Variants in MME observed in about 807,000 individuals in gnomAD.
The protein encoded by MME is neprilysin.
MME carries 98 observed loss-of-function variants against 113.2 expected under a neutral mutation model. The ratio of observed to expected loss-of-function variants is 0.87; its 90% CI spans 0.74 to 1.02. The LOEUF (loss-of-function observed/expected upper bound fraction) is 1.02, where lower values mean the gene tolerates loss of function less well. MME is among the 50% of genes least tolerant of loss of function. The pLI is 0.00. For missense variants in MME, 836 were observed against 896.0 expected (o/e 0.93, Z 0.86); for synonymous variants, 292 against 300.6 (o/e 0.97, Z 0.30).
At chr3:155,031,824 C>T (rs1316828255) in intron 1 of MME, among the ~76,000 whole-genome samples, 1 of 152,018 alleles carries the variant, frequency 6.6e-6, no homozygotes, top group Non-Finnish European at 1.5e-5. Flanking sequence ...CACCCGGCTA[C>T]TTTTTTGTAT....
chr3:155,048,071 A>G (rs1048566907), intron 1 of MME, among the ~76,000 whole-genome samples: 1 of 152,186 alleles, frequency 6.6e-6, no homozygotes, highest in Non-Finnish European at 1.5e-5. Context: ...AGATTTGTGC[A>G]TGGAGATCAA....
At chr3:155,126,465 C>T (rs1448932358) in intron 8 of MME, among the ~76,000 whole-genome samples, 1 of 151,616 alleles carries the variant, frequency 6.6e-6, no homozygotes, top group Non-Finnish European at 1.5e-5. Flanking sequence ...CAATGCTATC[C>T]CATAATCTCA....
intron 1 of MME, among the ~76,000 whole-genome samples, chr3:155,027,697 A>AT (rs1329518645): frequency 6.6e-6 from 1 of 152,224 alleles, no homozygotes; most frequent in Non-Finnish European, 1.5e-5. Flanking sequence ...GAATTTTAGC[A>AT]TTTTAATAGC....
At position 155,159,687 on chromosome 3, in the gene MME, G is replaced by C. The variant is rs182091464; in HGVS notation, c.1602-703G>C. On this transcript the variant is annotated intron_variant, in intron 16 of 22. Transcript: ENST00000360490. ...TTCTCATCTCCTCAACTAAACTAGA[G>C]TCTCCTGAAGTCAGGAACTGTATTT... Among the ~76,000 whole-genome samples, 78 of 151,866 alleles carry C rather than the reference G, an allele frequency of 5.1e-4. No homozygotes were observed. The East Asian group carries it at 0.01, about 20-fold the overall frequency.
rs1325906326 is a variant in MME at position 155,142,280 on chromosome 3, G to A, written c.1138G>A (p.Val380Ile). 1 of 1,613,484 alleles carries A rather than the reference G, an allele frequency of 6.2e-7. No individual in the cohort carries two copies. Among genetic ancestry groups the A allele is most frequent in the Non-Finnish European group, 8.5e-7 (1 of 1,179,716 alleles). The change falls in exon 12 of 23, where the codon GTA (valine) becomes ATA (isoleucine). Residue 380 changes from valine (V) to isoleucine (I), a missense_variant. Val to Ile is a conservative substitution (Grantham distance 29). Coordinates refer to ENST00000360490, the MANE Select transcript of MME (RefSeq NM_007289.4). ...LMSWRFIMDL[V>I]SSLSRTYKES... ...GTCCTGGAGATTCATAATGGATCTT[G>A]TAAGCAGCCTCAGCCGAACCTACAA...
chr3:155,081,653 C>G (rs1715160374), intron 1 of MME: 1 of 151,520 alleles, frequency 6.6e-6, no homozygotes, highest in Non-Finnish European at 1.5e-5. Context: ...TTACTTGTCC[C>G]CCTTACTCTT....
At position 155,060,860 on chromosome 3, in the gene MME, TGA is replaced by T. The variant is rs200219999; in HGVS notation, c.-10-23286_-10-23285del. Among the ~76,000 whole-genome samples, 799 of 125,084 alleles carry T rather than the reference TGA, an allele frequency of 6.4e-3. 5 individuals carry two copies. Among genetic ancestry groups the T allele is most frequent in the African/African-American group, 0.025 (776 of 31,064 alleles). 82.1% of individuals were successfully genotyped at this position (125,084 alleles called of 152,430 possible). A position where few individuals can be genotyped will look rare whatever the true frequency, so the allele number is the denominator to read the frequency against. ...GAGAGAGAGAGAGAGAGAGAGAGAG[TGA>T]GAGAGAGAGAGCACTTTTGCTCTAT... On this transcript the variant is annotated intron_variant, in intron 1 of 22. Transcript: ENST00000492661.
chr3:155,036,023 G>T (rs58662380), intron 1 of MME, among the ~76,000 whole-genome samples: 2 of 152,050 alleles, frequency 1.3e-5, no homozygotes, highest in African/African-American at 4.8e-5. Context: ...TGGTGGAGGT[G>T]ATGAGAAGGG....
At chr3:155,056,512 A>C (rs534941369) in intron 1 of MME, among the ~76,000 whole-genome samples, 2 of 148,350 alleles carry the variant, frequency 1.3e-5, no homozygotes, top group Admixed American at 6.7e-5. Context: ...TGAACTCATC[A>C]TTTTTTATGG....
intron 1 of MME, among the ~76,000 whole-genome samples, chr3:155,067,062 T>C (rs868796321): frequency 6.6e-6 from 1 of 152,026 alleles, no homozygotes; most frequent in African/African-American, 2.4e-5. Context: ...AATATTTAGG[T>C]TGGATTCATA....
chr3:155,178,118 A>T (rs547089512), intron 22 of MME, among the ~76,000 whole-genome samples: 1 of 152,272 alleles, frequency 6.6e-6, no homozygotes, highest in South Asian at 2.1e-4. Flanking sequence ...ATTCTTGGGA[A>T]GGCCAATCAT....
chr3:155,063,253 A>G lies in MME; in HGVS notation c.-10-20905A>G, dbSNP rs530462678. The stretch of plus-strand genomic sequence containing the variant: ...ATTATTATATATTATATAATAATAT[A>G]CATATAATGTATATTATTTATATAT... On this transcript the variant is annotated intron_variant, in intron 1 of 22. Transcript: ENST00000492661. Among the ~76,000 whole-genome samples, 142 of 117,042 alleles carry G rather than the reference A, an allele frequency of 1.2e-3. 2 individuals are homozygous for G. The highest frequency in any genetic ancestry group is 3.3e-3 in the African/African-American group (98 of 29,468). 76.8% of individuals were successfully genotyped at this position (117,042 alleles called of 152,430 possible). A position where few individuals can be genotyped will look rare whatever the true frequency, so the allele number is the denominator to read the frequency against.
At chr3:155,093,691 A>G (rs1163869444) in intron 3 of MME, among the ~76,000 whole-genome samples, 1 of 152,034 alleles carries the variant, frequency 6.6e-6, no homozygotes, top group Non-Finnish European at 1.5e-5. Flanking sequence ...CTCTGCCTCT[A>G]CTAAAAATAC....
intron 16 of MME, among the ~76,000 whole-genome samples, chr3:155,151,440 C>T (rs1721923756): frequency 6.6e-6 from 1 of 152,212 alleles, no homozygotes; most frequent in African/African-American, 2.4e-5. Flanking sequence ...CCCCAATTCA[C>T]ATGCTCTCAC....
At chr3:155,163,680 T>C (rs1409073061) in intron 17 of MME, among the ~76,000 whole-genome samples, 1 of 152,214 alleles carries the variant, frequency 6.6e-6, no homozygotes, top group East Asian at 1.9e-4. Context: ...AAATCAATTT[T>C]TTTAATTTCT....
intron 1 of MME, among the ~76,000 whole-genome samples, chr3:155,072,384 A>G (rs902228360): frequency 6.6e-5 from 10 of 152,154 alleles, no homozygotes; most frequent in Non-Finnish European, 1.3e-4. Context: ...GCTTGTTTGC[A>G]TTTTTCTTAC....
At chr3:155,044,482 T>C (rs1456548096) in intron 1 of MME, among the ~76,000 whole-genome samples, 3 of 152,094 alleles carry the variant, frequency 2.0e-5, no homozygotes, top group Non-Finnish European at 4.4e-5. Context: ...GCTTCTTTAC[T>C]GTTGAGAAAG....
At chr3:155,118,399 A>T (rs941963717) in intron 7 of MME, among the ~76,000 whole-genome samples, 2 of 152,236 alleles carry the variant, frequency 1.3e-5, no homozygotes, top group Admixed American at 1.3e-4. Flanking sequence ...AAATCTGTGA[A>T]TATGTAATTT....
intron 3 of MME, chr3:155,085,760 C>A (rs1715647780): frequency 6.6e-6 from 1 of 152,330 alleles, no homozygotes; most frequent in Non-Finnish European, 1.5e-5. Flanking sequence ...CGAACTCCTG[C>A]CCTCAGGTGA....
Sources: gnomAD v4.1 joint callset for allele counts (sites outside exome capture counted in the v4.1 genomes callset) on GRCh38, gnomAD v4.1.1 for gene constraint, MANE v1.5 for transcripts, NCBI Gene and HGNC (gene_info 2026-07-23, HGNC 2026-07-21) for gene names.